Variants in CNTNAP2 observed in about 807,000 individuals in gnomAD.
The protein encoded by CNTNAP2 is contactin-associated protein-like 2.
In CNTNAP2, 98 loss-of-function variants were observed where a neutral mutation model predicts 155.2. The observed-to-expected ratio is 0.63, with a 90% CI of 0.54 to 0.75. The LOEUF is 0.75. CNTNAP2 is among the 30% of genes least tolerant of loss of function. The pLI, the probability that CNTNAP2 is intolerant of heterozygous loss-of-function variation, is 0.00. For synonymous variants in CNTNAP2, 651 were observed against 631.2 expected (o/e 1.03, Z -0.47); for missense variants, 1,727 against 1,688.1 (o/e 1.02, Z -0.40).
intron 14 of CNTNAP2, among the ~76,000 whole-genome samples, chr7:147,920,423 C>T (rs1235991423): frequency 6.6e-6 from 1 of 151,740 alleles, no homozygotes; most frequent in Non-Finnish European, 1.5e-5. Context: ...GTTTCCCTGC[C>T]TGTCCATCAC....
intron 20 of CNTNAP2, among the ~76,000 whole-genome samples, chr7:148,235,471 G>C (rs1300585129): frequency 6.6e-6 from 1 of 152,170 alleles, no homozygotes; most frequent in Non-Finnish European, 1.5e-5. Flanking sequence ...GTCTCCAGCA[G>C]TGATGAAATT....
At chr7:146,181,817 G>A (rs1052839021) in intron 1 of CNTNAP2, among the ~76,000 whole-genome samples, 1 of 152,108 alleles carries the variant, frequency 6.6e-6, no homozygotes, top group Non-Finnish European at 1.5e-5. Context: ...AATGGAAACT[G>A]TTCAGGCCCT....
At position 146,662,626 on chromosome 7, in the gene CNTNAP2, A is replaced by G. The variant is rs567714117; in HGVS notation, c.98-111645A>G. ...TAGAATGTTTTAATTTTTATTTATC[A>G]GTGTTTTTCCTGACCAGTTTGTATT... is the stretch of plus-strand genomic sequence containing the variant. On this transcript the variant is annotated intron_variant, in intron 1 of 23. Transcript: ENST00000361727. Among the ~76,000 whole-genome samples, 66 of 152,238 alleles carry G rather than the reference A, an allele frequency of 4.3e-4. 2 individuals carry two copies. The highest frequency in any genetic ancestry group is 9.1e-4 in the Admixed American group (14 of 15,302).
intron 3 of CNTNAP2, among the ~76,000 whole-genome samples, chr7:146,977,723 T>A (rs1407849536): frequency 2.0e-5 from 3 of 152,202 alleles, no homozygotes; most frequent in African/African-American, 7.2e-5. Context: ...ATTTTTAAAT[T>A]TATGTATGTA....
At chr7:147,023,359 TTTAAA>T (rs1033875373) in intron 3 of CNTNAP2, among the ~76,000 whole-genome samples, 2 of 152,208 alleles carry the variant, frequency 1.3e-5, no homozygotes, top group African/African-American at 4.8e-5. Flanking sequence ...CATATAATCT[TTTAAA>T]TTAAATTTTT....
chr7:147,210,294 G>A (rs1371454077), intron 8 of CNTNAP2, among the ~76,000 whole-genome samples: 1 of 151,904 alleles, frequency 6.6e-6, no homozygotes, highest in African/African-American at 2.4e-5. Flanking sequence ...TTTGTTAAGG[G>A]TTTCAGTTCC....
chr7:146,820,778 C>T (rs2129196025), intron 2 of CNTNAP2, among the ~76,000 whole-genome samples: 1 of 152,104 alleles, frequency 6.6e-6, no homozygotes, highest in African/African-American at 2.4e-5. Context: ...TTAAAGTCTC[C>T]CATTATTATT....
rs187616328 is a variant in CNTNAP2 at position 147,098,326 on chromosome 7, T to A, written c.551-9821T>A. ...CTGCACATGAATTGTAAGCCTTATG[T>A]AGTAAAGTCACAAACAACTGAGCGT... is the stretch of plus-strand genomic sequence containing the variant. On this transcript the variant is annotated intron_variant, in intron 4 of 23. Transcript: ENST00000361727. Among the ~76,000 whole-genome samples the A allele has an allele frequency of 2.4e-3, 370 of 152,338 alleles. 3 individuals carry two copies. Among genetic ancestry groups the A allele is most frequent in the East Asian group, 1.4e-3 (7 of 5,180 alleles).
In CNTNAP2 at chr7:147,135,001, T is replaced by C. The variant is rs1190964049; in HGVS notation, c.1348+2492T>C. On this transcript the variant is annotated intron_variant, in intron 8 of 23. Transcript: ENST00000361727. The stretch of plus-strand genomic sequence containing the variant: ...TAGAGACTCTCAGATACTGTTAATA[T>C]ATACTGGTAACTTAGTTTTTATTTA... Among the ~76,000 whole-genome samples, 5 of 151,942 alleles carry C rather than the reference T, an allele frequency of 3.3e-5. No homozygotes were observed. In the East Asian group the frequency reaches 7.7e-4, roughly 23 times the overall value.
intron 13 of CNTNAP2, among the ~76,000 whole-genome samples, chr7:147,851,384 A>G (rs1472334675): frequency 1.3e-5 from 2 of 152,182 alleles, no homozygotes; most frequent in Non-Finnish European, 2.9e-5. Context: ...GGGATCTAGA[A>G]CTAGAAATAC....
chr7:148,242,865 T>C (rs1473938105), intron 20 of CNTNAP2, among the ~76,000 whole-genome samples: 1 of 152,346 alleles, frequency 6.6e-6, no homozygotes, highest in Middle Eastern at 3.4e-3. Flanking sequence ...AAGTATTAAA[T>C]ATATTTGATT....
chr7:148,266,928 C>G, intron 20 of CNTNAP2, 105 bp from the exon 21 acceptor site: 3 of 1,036,980 alleles, frequency 2.9e-6, no homozygotes, highest in Non-Finnish European at 4.6e-6. Context: ...AATAAGATAT[C>G]AGAAAACCAG....
chr7:146,191,524 C>T (rs114375061), intron 1 of CNTNAP2, among the ~76,000 whole-genome samples: 1 of 152,040 alleles, frequency 6.6e-6, no homozygotes, highest in Non-Finnish European at 1.5e-5. Flanking sequence ...GTAAAATTTG[C>T]TAGGCAGGAA....
intron 13 of CNTNAP2, among the ~76,000 whole-genome samples, chr7:147,735,756 G>A (rs1277846661): frequency 6.6e-6 from 1 of 152,066 alleles, no homozygotes; most frequent in Non-Finnish European, 1.5e-5. Flanking sequence ...TTGTTGAATT[G>A]ATCCCTTTAC....
chr7:148,091,993 T>C (rs1207658398), intron 15 of CNTNAP2, among the ~76,000 whole-genome samples: 2 of 152,178 alleles, frequency 1.3e-5, no homozygotes, highest in African/African-American at 4.8e-5. Flanking sequence ...TTTGCTGAAA[T>C]TCCCATCACA....
chr7:147,095,482 A>G lies in CNTNAP2; in HGVS notation c.551-12665A>G, dbSNP rs148391293. Among the ~76,000 whole-genome samples the G allele has an allele frequency of 2.0e-3, 302 of 151,804 alleles. 3 individuals carry two copies. The highest frequency in any genetic ancestry group is 6.9e-3 in the Middle Eastern group (2 of 290). ...GAATTTTGGGAGGACACAAACATTCAGAACATAGCAGTTAATAAAATATTT... is the reference window on the plus strand; with the variant it reads ...GAATTTTGGGAGGACACAAACATTCGGAACATAGCAGTTAATAAAATATTT... On this transcript the variant is annotated intron_variant, in intron 4 of 23. Coordinates refer to ENST00000361727, the MANE Select transcript of CNTNAP2 (RefSeq NM_014141.6).
chr7:148,115,354 C>A, intron 15 of CNTNAP2, among the ~76,000 whole-genome samples: 1 of 152,182 alleles, frequency 6.6e-6, no homozygotes, highest in Non-Finnish European at 1.5e-5. Context: ...AATACATCAC[C>A]ACCTCAGAAA....
intron 13 of CNTNAP2, among the ~76,000 whole-genome samples, chr7:147,741,814 C>G (rs565811866): frequency 2.0e-5 from 3 of 152,292 alleles, no homozygotes; most frequent in Non-Finnish European, 4.4e-5. Context: ...GTTTAAATGT[C>G]TCTACAGTAC....
intron 13 of CNTNAP2, among the ~76,000 whole-genome samples, chr7:147,728,216 G>A (rs1247370652): frequency 1.3e-5 from 2 of 151,766 alleles, no homozygotes; most frequent in Admixed American, 1.3e-4. Flanking sequence ...TTTCAGCTTA[G>A]TAAAACAAAA....
Sources: gnomAD v4.1 joint callset for allele counts (sites outside exome capture counted in the v4.1 genomes callset) on GRCh38, gnomAD v4.1.1 for gene constraint, MANE v1.5 for transcripts, NCBI Gene and HGNC (gene_info 2026-07-23, HGNC 2026-07-21) for gene names.